The following EXOC6 variants were observed in gnomAD, a reference collection of about 807,000 sequenced individuals.
EXOC6 encodes exocyst complex component 6, also known as SEC15-like 1.
EXOC6 carries 60 observed loss-of-function variants against 112.5 expected under a neutral mutation model. The observed-to-expected ratio is 0.53, with a 90% CI of 0.43 to 0.66. The LOEUF (loss-of-function observed/expected upper bound fraction) is 0.66, where lower values mean the gene tolerates loss of function less well. Among genes scored for constraint, EXOC6 ranks in the 30% least tolerant of loss-of-function variants. The pLI, the probability that EXOC6 is intolerant of heterozygous loss-of-function variation, is 0.00. For synonymous variants in EXOC6, 295 were observed against 308.0 expected (o/e 0.96, Z 0.44); for missense variants, 855 against 957.1 (o/e 0.89, Z 1.41).
intron 1 of EXOC6, among the ~76,000 whole-genome samples, chr10:92,854,047 A>G (rs946448982): frequency 2.6e-5 from 4 of 151,276 alleles, no homozygotes; most frequent in African/African-American, 9.7e-5. Flanking sequence ...AAGGTGAGCC[A>G]CAGATTGGGA....
chr10:92,872,010 C>A (rs942201041), intron 1 of EXOC6, among the ~76,000 whole-genome samples: 6 of 151,864 alleles, frequency 4.0e-5, no homozygotes, highest in Middle Eastern at 3.4e-3. Context: ...TTTAGTAGTT[C>A]CATACATTTT....
At chr10:92,978,894 GTGCCCTGTCTT>G (rs887660869) in intron 18 of EXOC6, among the ~76,000 whole-genome samples, 58 of 152,114 alleles carry the variant, frequency 3.8e-4, no homozygotes, top group Non-Finnish European at 6.5e-4. Context: ...GTTGGGCCCC[GTGCCCTGTCTT>G]TGGTTTTGGT....
chr10:92,846,072 T>G (rs1392976201), upstream of EXOC6, among the ~76,000 whole-genome samples: 1 of 152,240 alleles, frequency 6.6e-6, no homozygotes, highest in Non-Finnish European at 1.5e-5. Context: ...AAAAACTGTT[T>G]CAGAAGGAGA....
At chr10:92,887,016 C>A (rs1849250087) in intron 1 of EXOC6, among the ~76,000 whole-genome samples, 1 of 152,138 alleles carries the variant, frequency 6.6e-6, no homozygotes, top group Admixed American at 6.5e-5. Context: ...TCCTCTCTGG[C>A]CGGTTAAGTC....
chr10:93,009,539 A>G (rs76364535), intron 19 of EXOC6, among the ~76,000 whole-genome samples: 67 of 152,316 alleles, frequency 4.4e-4, no homozygotes, highest in African/African-American at 1.5e-3. Context: ...CAAGGCAGCA[A>G]AGTGAGTGCT....
intron 12 of EXOC6, 122 bp downstream of exon 12, chr10:92,936,007 C>G: frequency 3.3e-6 from 2 of 611,498 alleles, no homozygotes; most frequent in Non-Finnish European, 5.6e-6. Flanking sequence ...AAATGTTTAC[C>G]TACATATTGA....
At chr10:93,036,167 G>A (rs71480849) in intron 20 of EXOC6, among the ~76,000 whole-genome samples, 1 of 145,966 alleles carries the variant, frequency 6.9e-6, no homozygotes, top group Non-Finnish European at 1.5e-5. Context: ...GCAGTGAGCC[G>A]AGATCACACC....
At chr10:93,040,204 AT>A (rs1286264209) in intron 20 of EXOC6, among the ~76,000 whole-genome samples, 1 of 151,820 alleles carries the variant, frequency 6.6e-6, no homozygotes, top group African/African-American at 2.4e-5. Context: ...TTTGTATGGG[AT>A]TTTGTTTCAT....
At chr10:92,981,497 AG>A (rs1842823559) in intron 18 of EXOC6, among the ~76,000 whole-genome samples, 1 of 152,258 alleles carries the variant, frequency 6.6e-6, no homozygotes, top group Non-Finnish European at 1.5e-5. Context: ...TTATCACTAA[AG>A]GTACCCAATT....
intron 4 of EXOC6, among the ~76,000 whole-genome samples, chr10:92,896,512 AT>A (rs1204737767): frequency 6.6e-6 from 1 of 151,080 alleles, no homozygotes; most frequent in Non-Finnish European, 1.5e-5. Flanking sequence ...TATTTTTATG[AT>A]GTAAATTTAG....
rs1380399684 is a variant in EXOC6, at chr10:92,851,986, C to T, written c.101+3352C>T. On this transcript the variant is annotated intron_variant, in intron 1 of 21. Coordinates refer to ENST00000260762, the MANE Select transcript of EXOC6 (RefSeq NM_019053.6). ...GGGAGGCTAACGTGGGAGAATGGCTCAGAGTCTGGGTCGTTAAGGCTGTAG... is the reference window on the plus strand; with the variant it reads ...GGGAGGCTAACGTGGGAGAATGGCTTAGAGTCTGGGTCGTTAAGGCTGTAG... Among the ~76,000 whole-genome samples, 5 of 152,210 alleles carry T rather than the reference C, an allele frequency of 3.3e-5. No individual in the cohort carries two copies. The East Asian group carries it at 9.7e-4, about 29-fold the overall frequency.
intron 1 of EXOC6, among the ~76,000 whole-genome samples, chr10:92,873,139 T>G (rs905056126): frequency 1.3e-5 from 2 of 152,202 alleles, no homozygotes; most frequent in Non-Finnish European, 2.9e-5. Flanking sequence ...ATTTTTTGCA[T>G]TTTACCAAAT....
chr10:92,939,215 T>A (rs1852521952), intron 12 of EXOC6, among the ~76,000 whole-genome samples: 1 of 152,060 alleles, frequency 6.6e-6, no homozygotes, highest in South Asian at 2.1e-4. Context: ...ATTTTGAGAA[T>A]CTGGGAAATA....
At chr10:92,997,743 C>A in intron 19 of EXOC6, 128 bp downstream of exon 19, 2 of 688,492 alleles carry the variant, frequency 2.9e-6, no homozygotes, top group African/African-American at 1.8e-5. Flanking sequence ...CTTTTAGCAG[C>A]CTTAGGAGTA....
intron 18 of EXOC6, among the ~76,000 whole-genome samples, chr10:92,997,124 CTT>C (rs1293871529): frequency 6.6e-6 from 1 of 152,100 alleles, no homozygotes; most frequent in African/African-American, 2.4e-5. Context: ...GTCAGTATGA[CTT>C]ATTTTATGTC....
At chr10:93,000,778 A>G (rs1843724571) in intron 19 of EXOC6, among the ~76,000 whole-genome samples, 1 of 152,192 alleles carries the variant, frequency 6.6e-6, no homozygotes, top group South Asian at 2.1e-4. Flanking sequence ...TTATTTCACT[A>G]TCTCTGGTGT....
At chr10:93,009,385 C>G (rs894349971) in intron 19 of EXOC6, among the ~76,000 whole-genome samples, 2 of 152,048 alleles carry the variant, frequency 1.3e-5, no homozygotes, top group African/African-American at 4.8e-5. Context: ...TTCTGTTTTT[C>G]TTCATTCATT....
chr10:93,058,515 A>G lies in EXOC6; in HGVS notation c.*160A>G, dbSNP rs772607700. ...AGAAATAGTAATAAATATCATTTGT[A>G]TGGATTTTTAAATAATCGAATACTA... On this transcript the variant is annotated 3_prime_UTR_variant, in exon 22 of 22. Transcript: ENST00000260762. 4.1e-6 allele frequency: 2 copies of G among 484,566 alleles called. No homozygotes were observed. The highest frequency in any genetic ancestry group is 6.7e-6 in the Non-Finnish European group (2 of 296,376). The allele number at this position is 484,566 out of a possible 1,614,324, so 30.0% of individuals were successfully genotyped here.
chr10:92,903,803 A>G (rs1829817383), intron 5 of EXOC6, among the ~76,000 whole-genome samples: 1 of 152,070 alleles, frequency 6.6e-6, no homozygotes, highest in African/African-American at 2.4e-5. Flanking sequence ...ATATTGACAC[A>G]TAAGTATTTA....
Sources: allele counts gnomAD v4.1 joint callset (sites outside exome capture counted in the v4.1 genomes callset), GRCh38; gene constraint gnomAD v4.1.1; transcripts MANE v1.5; gene names NCBI Gene and HGNC (gene_info 2026-07-23, HGNC 2026-07-21).